Variants in ENOX1 observed in about 807,000 individuals in gnomAD.
ENOX1 encodes the protein candidate growth-related and time keeping constitutive hydroquinone (NADH) oxidase.
Under a neutral mutation model 82.5 loss-of-function variants are expected in ENOX1, and 42 were observed. The observed-to-expected ratio is 0.51, with a 90% CI of 0.40 to 0.66. The LOEUF (loss-of-function observed/expected upper bound fraction) is 0.66. Among genes scored for constraint, ENOX1 ranks in the 30% least tolerant of loss-of-function variants. The probability of loss-of-function intolerance (pLI) is 0.00; values close to 1 mark genes in which losing one functional copy is unlikely to be tolerated. For missense variants in ENOX1, 608 were observed against 811.6 expected (o/e 0.75, Z 3.05); for synonymous variants, 271 against 282.2 (o/e 0.96, Z 0.40).
chr13:43,743,685 T>G (rs1949875104), intron 1 of ENOX1, among the ~76,000 whole-genome samples: 2 of 152,194 alleles, frequency 1.3e-5, no homozygotes, highest in Non-Finnish European at 2.9e-5. Context: ...AGGGAAGAAA[T>G]GAAATCACGA....
chr13:43,465,548 T>C (rs778532442), intron 3 of ENOX1, among the ~76,000 whole-genome samples: 1 of 152,132 alleles, frequency 6.6e-6, no homozygotes, highest in Non-Finnish European at 1.5e-5. Context: ...TTCCTATTAT[T>C]GGAGGATAAT....
In ENOX1 at chr13:43,356,120, TG is replaced by T; in HGVS notation, c.621del (p.Asp207GlufsTer52). On this transcript the variant is annotated frameshift_variant, in exon 8 of 17. Transcript: ENST00000690772. LOFTEE classifies it high-confidence loss of function. ...ACATGAAGGCGGCCTGAATCCTTTT[TG>T]TCGGTGCTAGACCCTAATCGCATCC... is the stretch of plus-strand genomic sequence containing the variant. ...GYRMRLGSST[D>X]KKDSGRLHVD... 1 of 1,614,204 alleles carries T rather than the reference TG, an allele frequency of 6.2e-7. No homozygotes were observed. Among genetic ancestry groups the T allele is most frequent in the Non-Finnish European group, 8.5e-7 (1 of 1,180,032 alleles).
At chr13:43,269,813 G>A (rs149121611) in intron 12 of ENOX1, among the ~76,000 whole-genome samples, 78 of 152,264 alleles carry the variant, frequency 5.1e-4, no homozygotes, top group Non-Finnish European at 9.6e-4. Context: ...ATTTGTGAAG[G>A]CATCATTATA....
intron 1 of ENOX1, among the ~76,000 whole-genome samples, chr13:43,682,054 A>G (rs1235490610): frequency 6.6e-6 from 1 of 152,144 alleles, no homozygotes; most frequent in Non-Finnish European, 1.5e-5. Flanking sequence ...TGAGGCTCTG[A>G]AATCAGAGCC....
chr13:43,571,495 T>G (rs1402513693), intron 2 of ENOX1, among the ~76,000 whole-genome samples: 1 of 150,040 alleles, frequency 6.7e-6, no homozygotes, highest in African/African-American at 2.5e-5. Context: ...CCTGCCAACA[T>G]GGAGAAACCC....
chr13:43,235,593 G>A lies in ENOX1; in HGVS notation c.1714+1043C>T, dbSNP rs189334076. ...ACTAAAAATACAAAATTAGCTGGGCGTGGTGGTGTGCACCTGTAATCCCAG... is the reference window on the plus strand; with the variant it reads ...ACTAAAAATACAAAATTAGCTGGGCATGGTGGTGTGCACCTGTAATCCCAG... On this transcript the variant is annotated intron_variant, in intron 15 of 16. Transcript: ENST00000690772. Among the ~76,000 whole-genome samples, 531 of 152,228 alleles carry A rather than the reference G, an allele frequency of 3.5e-3. 2 individuals carry two copies. Among genetic ancestry groups the A allele is most frequent in the African/African-American group, 0.012 (514 of 41,548 alleles).
At chr13:43,660,567 C>A (rs1430422089) in intron 2 of ENOX1, among the ~76,000 whole-genome samples, 1 of 152,058 alleles carries the variant, frequency 6.6e-6, no homozygotes, top group East Asian at 1.9e-4. Context: ...TATATCATTG[C>A]CCTAACGATA....
rs762719068 is a variant in ENOX1, at chr13:43,574,626, A to G, written c.-218-90474T>C. On this transcript the variant is annotated intron_variant, in intron 2 of 16. Coordinates refer to ENST00000690772, the MANE Select transcript of ENOX1 (RefSeq NM_001347969.2). The stretch of plus-strand genomic sequence containing the variant: ...AAAATTATATGAGAGGTGGAAGAAC[A>G]CTCAGAATTCTAAAACTCCCACTGC... Among the ~76,000 whole-genome samples, 64 of 152,222 alleles carry G rather than the reference A, an allele frequency of 4.2e-4. 2 individuals carry two copies. The highest frequency in any genetic ancestry group is 3.3e-4 in the Admixed American group (5 of 15,282).
intron 3 of ENOX1, among the ~76,000 whole-genome samples, chr13:43,478,597 T>C (rs916104823): frequency 2.0e-5 from 3 of 152,194 alleles, no homozygotes; most frequent in African/African-American, 7.2e-5. Flanking sequence ...AGCCTTTTCA[T>C]AGATGATACA....
At chr13:43,245,644 T>C (rs954784443) in intron 14 of ENOX1, among the ~76,000 whole-genome samples, 4 of 152,172 alleles carry the variant, frequency 2.6e-5, no homozygotes, top group Non-Finnish European at 5.9e-5. Flanking sequence ...ATCTTGGCAC[T>C]GCCCATCCCG....
At chr13:43,760,822 T>C (rs1339297118) in intron 1 of ENOX1, among the ~76,000 whole-genome samples, 1 of 150,652 alleles carries the variant, frequency 6.6e-6, no homozygotes, top group Non-Finnish European at 1.5e-5. Flanking sequence ...TTCCTGACTT[T>C]ATTCCAGGAT....
intron 12 of ENOX1, among the ~76,000 whole-genome samples, chr13:43,281,585 T>TA (rs2045388009): frequency 6.6e-6 from 1 of 151,356 alleles, no homozygotes; most frequent in South Asian, 2.1e-4. Context: ...GCAGTCCCCC[T>TA]ACTCTCAGTT....
chr13:43,433,737 C>T (rs2055830087), intron 3 of ENOX1, among the ~76,000 whole-genome samples: 1 of 152,150 alleles, frequency 6.6e-6, no homozygotes, highest in Non-Finnish European at 1.5e-5. Context: ...CATGTTGTTC[C>T]ATGGCCAATT....
intron 2 of ENOX1, among the ~76,000 whole-genome samples, chr13:43,542,604 T>A (rs561039773): frequency 9.2e-5 from 14 of 152,002 alleles, no homozygotes; most frequent in African/African-American, 3.1e-4. Flanking sequence ...CCTGCCTAAT[T>A]TTTTGTATTT....
intron 2 of ENOX1, among the ~76,000 whole-genome samples, chr13:43,561,860 G>C (rs773254799): frequency 9.9e-5 from 15 of 152,006 alleles, no homozygotes; most frequent in Non-Finnish European, 1.5e-5. Context: ...TACATCTATA[G>C]TACCAGGTAC....
At chr13:43,641,484 A>G (rs1229798823) in intron 2 of ENOX1, among the ~76,000 whole-genome samples, 1 of 151,532 alleles carries the variant, frequency 6.6e-6, no homozygotes, top group Non-Finnish European at 1.5e-5. Context: ...AATCAATACA[A>G]CTGAAATCAG....
intron 1 of ENOX1, among the ~76,000 whole-genome samples, chr13:43,769,040 T>C (rs578181473): frequency 6.6e-6 from 1 of 152,330 alleles, no homozygotes; most frequent in Admixed American, 6.5e-5. Flanking sequence ...AGAAGCAACA[T>C]GGTGAACAAT....
chr13:43,746,445 T>C (rs1313756319), intron 1 of ENOX1, among the ~76,000 whole-genome samples: 2 of 152,000 alleles, frequency 1.3e-5, no homozygotes, highest in East Asian at 3.9e-4. Flanking sequence ...GAAGGGCAGA[T>C]GGAGGTTAGG....
intron 1 of ENOX1, among the ~76,000 whole-genome samples, chr13:43,708,242 T>A (rs930353246): frequency 6.6e-6 from 1 of 152,182 alleles, no homozygotes; most frequent in African/African-American, 2.4e-5. Flanking sequence ...ACAACTTCAA[T>A]AAGCACATTG....
Sources: gnomAD v4.1 joint callset for allele counts (sites outside exome capture counted in the v4.1 genomes callset) on GRCh38, gnomAD v4.1.1 for gene constraint, MANE v1.5 for transcripts, NCBI Gene and HGNC (gene_info 2026-07-23, HGNC 2026-07-21) for gene names.